The following NRXN2 variants were observed in gnomAD, a reference collection of about 807,000 sequenced individuals.
The protein encoded by NRXN2 is neurexin 2, also known as neurexin-2-beta.
NRXN2 carries 29 observed loss-of-function variants against 128.8 expected under a neutral mutation model. That is an observed-to-expected ratio of 0.23 (90% CI 0.17 to 0.31). The LOEUF is 0.31. Among genes scored for constraint, NRXN2 ranks in the 10% least tolerant of loss-of-function variants. The probability of loss-of-function intolerance (pLI) is 1.00; values close to 1 mark genes in which losing one functional copy is unlikely to be tolerated. For synonymous variants in NRXN2, 1,098 were observed against 1,075.2 expected, an observed-to-expected ratio of 1.02 and a Z score of -0.41; for missense variants, 1,881 against 2,452.6, an observed-to-expected ratio of 0.77 and a Z score of 4.92.
Position 64,667,509 on chromosome 11 carries a change from G to A in NRXN2, c.1539C>T (p.Arg513=). The change falls in exon 9 of 23, where the codon CGC becomes CGT. Residue 513 remains arginine, a synonymous_variant. Coordinates refer to ENST00000265459, the MANE Select transcript of NRXN2 (RefSeq NM_015080.4). The surrounding 1 kb of genome is among the most constrained non-coding windows in gnomAD (Gnocchi z 5.6). The part of the protein sequence containing the change: ...FVALPRWSAK[R]TGSISLDFRT... ...GGAAGTCTAGGGAGATGGAGCCAGT[G>A]CGCTTAGCGCTCCAGCGGGGCAGCG... The A allele has an allele frequency of 6.2e-7, 1 of 1,614,086 alleles. No homozygotes were observed. The highest frequency in any genetic ancestry group is 8.5e-7 in the Non-Finnish European group (1 of 1,179,990).
At chr11:64,703,840 G>A (rs1162598936) in intron 2 of NRXN2, among the ~76,000 whole-genome samples, 8 of 152,088 alleles carry the variant, frequency 5.3e-5, no homozygotes, top group East Asian at 3.8e-4. Context: ...AAGGATTTTC[G>A]TATATTAATT....
chr11:64,722,353 C>T (rs949808458), intron 1 of NRXN2, among the ~76,000 whole-genome samples: 1 of 151,700 alleles, frequency 6.6e-6, no homozygotes, highest in African/African-American at 2.4e-5. Context: ...TTTCCCAGCT[C>T]TCCACCAGCA....
chr11:64,639,689 T>TG (rs1230935058), intron 17 of NRXN2, among the ~76,000 whole-genome samples: 3 of 149,486 alleles, frequency 2.0e-5, no homozygotes, highest in African/African-American at 5.0e-5. Flanking sequence ...CAGGAAGAGT[T>TG]GGGGGGGATG....
chr11:64,675,323 T>C (rs2051157272), intron 7 of NRXN2: 1 of 152,274 alleles, frequency 6.6e-6, no homozygotes, highest in Non-Finnish European at 1.5e-5. Context: ...GGCACTAGTC[T>C]ATATGGGTGC....
intron 2 of NRXN2, among the ~76,000 whole-genome samples, chr11:64,698,516 C>T (rs1401538771): frequency 6.6e-6 from 1 of 152,204 alleles, no homozygotes; most frequent in Non-Finnish European, 1.5e-5. Flanking sequence ...TGGATAGTTT[C>T]TGAGGCCTCT....
Position 64,685,867 on chromosome 11 carries a change from T to C in NRXN2, c.931A>G (p.Thr311Ala), listed in dbSNP as rs1309991393. The C allele has an allele frequency of 1.9e-6, 3 of 1,614,188 alleles. No individual in the cohort carries two copies. The highest frequency in any genetic ancestry group is 2.5e-6 in the Non-Finnish European group (3 of 1,180,032). ...DLSHNPIQSSTDEITLAFRTL... is the reference protein window; with the variant it reads ...DLSHNPIQSSADEITLAFRTL... ...CGGAAGGCCAGTGTGATCTCATCAGTGCTGCTCTGGATGGGGTTGTGTGAC... is the reference window on the plus strand; with the variant it reads ...CGGAAGGCCAGTGTGATCTCATCAGCGCTGCTCTGGATGGGGTTGTGTGAC... The change falls in exon 6 of 23, where the codon ACT (threonine) becomes GCT (alanine). Residue 311 changes from threonine (T) to alanine (A), a missense_variant. By Grantham distance (58) the Thr-to-Ala change is moderately conservative (BLOSUM62 0). Around this residue, in one of 7 missense-constraint regions of NRXN2, gnomAD observed 997 missense variants for 1,240.8 expected, o/e 0.80. Transcript: ENST00000265459.
chr11:64,693,529 G>T (rs1039524067), intron 3 of NRXN2, among the ~76,000 whole-genome samples: 1 of 152,112 alleles, frequency 6.6e-6, no homozygotes, highest in African/African-American at 2.4e-5. Flanking sequence ...AGAAAAGGGG[G>T]AAAGATGGGG....
At position 64,713,846 on chromosome 11, in the gene NRXN2, G is replaced by C. The variant is rs2057187143; in HGVS notation, c.-147C>G. The C allele has an allele frequency of 2.8e-6, 1 of 351,980 alleles. No individual in the cohort carries two copies. Among genetic ancestry groups the C allele is most frequent in the Non-Finnish European group, 4.0e-6 (1 of 247,640 alleles). 21.8% of individuals were successfully genotyped at this position (351,980 alleles called of 1,614,324 possible). A position where few individuals can be genotyped will look rare whatever the true frequency, so the allele number is the denominator to read the frequency against. Reference sequence around the variant, plus strand: ...ACAGTGCCATGGGCCCGGCCGCGGGGCGAGGCGCGCAGAGGCCCAGATGCC... The same window carrying C: ...ACAGTGCCATGGGCCCGGCCGCGGGCCGAGGCGCGCAGAGGCCCAGATGCC... On this transcript the variant is annotated 5_prime_UTR_variant, in exon 2 of 23. Coordinates refer to ENST00000265459, the MANE Select transcript of NRXN2 (RefSeq NM_015080.4).
At chr11:64,672,812 A>G (rs1037442644) in intron 7 of NRXN2, among the ~76,000 whole-genome samples, 1 of 152,210 alleles carries the variant, frequency 6.6e-6, no homozygotes, top group Non-Finnish European at 1.5e-5. Context: ...GAAGCTAACC[A>G]GAGACTCGGG....
intron 4 of NRXN2, 128 bp downstream of exon 4, chr11:64,692,719 A>C (rs567170295): frequency 1.0e-6 from 1 of 958,516 alleles, no homozygotes; most frequent in East Asian, 2.4e-5. Context: ...CGGGTAGGAA[A>C]GGAAGGAAGG....
intron 4 of NRXN2, among the ~76,000 whole-genome samples, chr11:64,692,243 C>A (rs930959200): frequency 5.3e-5 from 8 of 152,170 alleles, no homozygotes; most frequent in Admixed American, 4.6e-4. Flanking sequence ...TCAAAAGATA[C>A]AAGGGTGAAG....
At chr11:64,699,425 CTTTTTTT>C (rs67776872) in intron 2 of NRXN2, among the ~76,000 whole-genome samples, 3 of 92,122 alleles carry the variant, frequency 3.3e-5, no homozygotes, top group Admixed American at 1.6e-4. Context: ...TAATAGTTTT[CTTTTTTT>C]TTTTTTTTTT....
chr11:64,700,998 C>T (rs190418019), intron 2 of NRXN2, among the ~76,000 whole-genome samples: 1 of 152,332 alleles, frequency 6.6e-6, no homozygotes, highest in East Asian at 1.9e-4. Flanking sequence ...ACCCTAAAAA[C>T]AAAACTAAAC....
Position 64,667,616 on chromosome 11 carries a change from G to A in NRXN2, c.1432C>T (p.Leu478=). 6.2e-7 allele frequency: 1 copy of A among 1,614,232 alleles called. No individual in the cohort carries two copies. ...CAGCGGAATGACAAGTCCCCCTGCA[G>A]CTTCATCTTGGGGTCCCCTTCCTTT... ...LAKEGDPKMK[L]QGDLSFRCED... Residue 478 remains leucine (L), a synonymous_variant, in exon 9 of 23, where the codon CTG becomes TTG. Transcript: ENST00000265459. The surrounding 1 kb of genome is among the most constrained non-coding windows in gnomAD (Gnocchi z 5.6).
chr11:64,683,664 C>G (rs1461150929), intron 6 of NRXN2, among the ~76,000 whole-genome samples: 2 of 152,000 alleles, frequency 1.3e-5, no homozygotes, highest in Admixed American at 6.6e-5. Flanking sequence ...CCCCAGAATC[C>G]CTTTTTAAAG....
intron 22 of NRXN2, among the ~76,000 whole-genome samples, chr11:64,609,149 C>T (rs2040215662): frequency 6.6e-6 from 1 of 151,398 alleles, no homozygotes; most frequent in African/African-American, 2.4e-5. Flanking sequence ...TAGGGAGGGG[C>T]AAGGAAGGAG....
intron 9 of NRXN2, among the ~76,000 whole-genome samples, chr11:64,665,289 A>G (rs918860124): frequency 1.8e-4 from 28 of 152,060 alleles, no homozygotes; most frequent in African/African-American, 2.4e-4. Context: ...CAAAAAAAAA[A>G]AAAGAAAGAA....
At chr11:64,716,006 T>C (rs533375881) in intron 1 of NRXN2, among the ~76,000 whole-genome samples, 13 of 152,184 alleles carry the variant, frequency 8.5e-5, no homozygotes, top group South Asian at 4.1e-4. Context: ...AGGTCTAAGC[T>C]TTCCCTCTTT....
chr11:64,672,356 AG>A (rs1421101453), intron 7 of NRXN2, among the ~76,000 whole-genome samples: 1 of 152,240 alleles, frequency 6.6e-6, no homozygotes, highest in Non-Finnish European at 1.5e-5. Flanking sequence ...CACATGCCTT[AG>A]GAAGAAAGGC....
Sources: gnomAD v4.1 joint callset for allele counts (sites outside exome capture counted in the v4.1 genomes callset) on GRCh38, gnomAD v4.1.1 for gene constraint, gnomAD v4.1.1 regional missense constraint, Gnocchi (gnomAD v3.1) non-coding constraint, MANE v1.5 for transcripts, NCBI Gene and HGNC (gene_info 2026-07-23, HGNC 2026-07-21) for gene names.